The following UBR4 variants were observed in gnomAD, a reference collection of about 807,000 sequenced individuals.
UBR4 encodes E3 ubiquitin-protein ligase UBR4.
Under a neutral mutation model 575.6 loss-of-function variants are expected in UBR4, and 124 were observed. That is an observed-to-expected ratio of 0.22 (90% CI 0.19 to 0.25). The LOEUF (loss-of-function observed/expected upper bound fraction) is 0.25, where lower values mean the gene tolerates loss of function less well. Ranked by LOEUF, UBR4 falls within the 10% of genes least tolerant of loss-of-function variation. The probability of loss-of-function intolerance (pLI) is 1.00; values close to 1 mark genes in which losing one functional copy is unlikely to be tolerated. For missense variants in UBR4, 4,818 were observed against 6,478.8 expected, an observed-to-expected ratio of 0.74 and a Z score of 8.80; for synonymous variants, 2,455 against 2,473.7, an observed-to-expected ratio of 0.99 and a Z score of 0.22.
At position 19,138,174 on chromosome 1, in the gene UBR4, G is replaced by T. The variant is rs1426334610; in HGVS notation, c.8739C>A (p.Gly2913=). ...TAGCATCGCCATAAGCACTGCTCCG[G>T]CCAGATACTAGAGGGAAATGGTTTA... ...DSVAGEHSVS[G]RSSAYGDATA... The change falls in exon 60 of 106, where the codon GGC becomes GGA. Residue 2913 remains glycine (G), a synonymous_variant. Transcript: ENST00000375254. 6.6e-7 allele frequency: 1 copy of T among 1,514,228 alleles called. No homozygotes were observed. The highest frequency in any genetic ancestry group is 8.9e-7 in the Non-Finnish European group (1 of 1,122,086). The allele number at this position is 1,514,228 out of a possible 1,614,324, so 93.8% of individuals were successfully genotyped here.
Position 19,104,567 on chromosome 1 carries a change from G to A in UBR4, c.12727+18C>T. The A allele has an allele frequency of 5.0e-6, 8 of 1,613,586 alleles. No individual in the cohort carries two copies. Among genetic ancestry groups the A allele is most frequent in the Non-Finnish European group, 6.8e-6 (8 of 1,179,754 alleles). On this transcript the variant is annotated intron_variant, in intron 86 of 105. Transcript: ENST00000375254. ...CAGATTCAGGATGCCCTAAAGGAAG[G>A]TCCAGGTGGCTCTTTACCTGTGAGA...
Position 19,123,033 on chromosome 1 carries a change from C to A in UBR4, c.9616G>T (p.Val3206Leu), listed in dbSNP as rs1337194626. 1 of 1,614,184 alleles carries A rather than the reference C, an allele frequency of 6.2e-7. No individual in the cohort carries two copies. The highest frequency in any genetic ancestry group is 1.7e-5 in the Admixed American group (1 of 60,024). Residue 3206 changes from valine to leucine, a missense_variant, in exon 66 of 106, where the codon GTG (valine) becomes TTG (leucine). Physicochemically the swap from Val to Leu is conservative, Grantham distance 32 (BLOSUM62 1). This residue lies in a region of UBR4 where 550 missense variants were observed against 791.5 expected (regional missense o/e 0.69). Coordinates refer to ENST00000375254, the MANE Select transcript of UBR4 (RefSeq NM_020765.3). ...EYLMIQQTPF[V>L]RRQVRKLLLF... is the part of the protein sequence containing the mutation. ...AGAAGTTTGCGGACTTGACGGCGCA[C>A]AAATGGAGTCTGCTGGATCATGAGG...
Position 19,104,055 on chromosome 1 carries a change from T to C in UBR4, c.12901+29A>G, listed in dbSNP as rs767874615. ...CGGCAGCCCCAGAAGGGACAGTGCCTTAGGCTCCAGGCCACTGGGCAGTGC... is the reference window on the plus strand; with the variant it reads ...CGGCAGCCCCAGAAGGGACAGTGCCCTAGGCTCCAGGCCACTGGGCAGTGC... On this transcript the variant is annotated intron_variant, in intron 87 of 105. Transcript: ENST00000375254. The C allele has an allele frequency of 5.1e-5, 83 of 1,611,782 alleles. 1 individual carries two copies. In the South Asian group the frequency reaches 7.9e-4, roughly 15 times the overall value.
In UBR4 at chr1:19,112,875, C is replaced by A. The variant is rs1557634035; in HGVS notation, c.11458-8G>T. 3.2e-6 allele frequency: 5 copies of A among 1,541,552 alleles called. No individual in the cohort carries two copies. The highest frequency in any genetic ancestry group is 2.8e-5 in the African/African-American group (2 of 72,216). On this transcript the variant is annotated splice_polypyrimidine_tract_variant and splice_region_variant and intron_variant, in intron 77 of 105. Coordinates refer to ENST00000375254, the MANE Select transcript of UBR4 (RefSeq NM_020765.3). ...GCGCGAAGCAAAGACTTTCTAAGAA[C>A]AAAAAGGCAACAATAATGGGAATTA...
At chr1:19,185,422 T>C in intron 14 of UBR4, 136 bp from the exon 15 acceptor site, 1 of 852,746 alleles carries the variant, frequency 1.2e-6, no homozygotes, top group Non-Finnish European at 1.7e-6. Context: ...AGATTGCATT[T>C]GTGTATCAAA....
chr1:19,081,701 T>A (rs1198631938), intron 102 of UBR4, 128 bp from the exon 103 acceptor site: 2 of 983,296 alleles, frequency 2.0e-6, no homozygotes, highest in Non-Finnish European at 3.3e-6. Flanking sequence ...GACTCAACAC[T>A]CCCCACCCAT....
In UBR4 at chr1:19,126,519, C is replaced by T. The variant is rs775309971; in HGVS notation, c.9365G>A (p.Ser3122Asn). 10 of 1,614,074 alleles carry T rather than the reference C, an allele frequency of 6.2e-6. No homozygotes were observed. Among genetic ancestry groups the T allele is most frequent in the Non-Finnish European group, 8.5e-6 (10 of 1,180,036 alleles). ...GGTAGTATGTGGTTTCAGCAACTGG[C>T]TGGTAGCCACAGGCTCCTCGTCATT... The part of the protein sequence containing the change: ...QQNDEEPVAT[S>N]QLLKPHTTSS... Residue 3122 changes from serine (S) to asparagine (N), a missense_variant, in exon 64 of 106, where the codon AGC becomes AAC. Ser to Asn is a conservative substitution (Grantham distance 46, BLOSUM62 1). Around this residue, in one of 29 missense-constraint regions of UBR4, gnomAD observed 550 missense variants for 791.5 expected, o/e 0.69. Transcript: ENST00000375254.
chr1:19,079,344 C>A (rs1030228174), intron 103 of UBR4: 19 of 152,330 alleles, frequency 1.2e-4, no homozygotes, highest in African/African-American at 4.3e-4. Flanking sequence ...CAAGCCCCCA[C>A]TTTCTCTCCC....
chr1:19,153,235 T>C lies in UBR4; in HGVS notation c.6832+66A>G. The C allele has an allele frequency of 6.6e-7, 1 of 1,522,340 alleles. No homozygotes were observed. Among genetic ancestry groups the C allele is most frequent in the Non-Finnish European group, 9.1e-7 (1 of 1,099,312 alleles). The allele number at this position is 1,522,340 out of a possible 1,614,324, so 94.3% of individuals were successfully genotyped here. ...TTCACAGATATTTTCAACAGTCTAT[T>C]CTGAGTCACTGTCTAGAAGACCACC... On this transcript the variant is annotated intron_variant, in intron 46 of 105. Transcript: ENST00000375254. The surrounding 1 kb of genome is among the most constrained non-coding windows in gnomAD (Gnocchi z 4.1).
At chr1:19,136,794 T>A (rs2083246934) in intron 60 of UBR4, among the ~76,000 whole-genome samples, 1 of 152,178 alleles carries the variant, frequency 6.6e-6, no homozygotes. Flanking sequence ...AGAAATCACA[T>A]TAAGAAAAAT....
intron 55 of UBR4, 33 bp downstream of exon 55, chr1:19,143,947 C>G: frequency 6.3e-7 from 1 of 1,598,396 alleles, no homozygotes; most frequent in Non-Finnish European, 8.6e-7. Context: ...CTCCCAAATA[C>G]AGGCTTGAGC....
intron 39 of UBR4, among the ~76,000 whole-genome samples, chr1:19,158,933 G>A (rs1179598448): frequency 6.6e-6 from 1 of 151,986 alleles, no homozygotes; most frequent in Non-Finnish European, 1.5e-5. Context: ...CTTGAGCACA[G>A]TTGTTCGAGA....
chr1:19,146,096 A>G (rs765596779), intron 52 of UBR4, 163 bp from the exon 53 acceptor site: 1 of 1,550,602 alleles, frequency 6.4e-7, no homozygotes, highest in Non-Finnish European at 8.7e-7. Flanking sequence ...CACATCTAGG[A>G]AAAAAACAGT....
chr1:19,118,884 G>A lies in UBR4; in HGVS notation c.10529C>T (p.Ser3510Leu), dbSNP rs2080876731. 1.2e-6 allele frequency: 2 copies of A among 1,614,162 alleles called. No individual in the cohort carries two copies. Among genetic ancestry groups the A allele is most frequent in the Non-Finnish European group, 1.7e-6 (2 of 1,180,018 alleles). Reference protein sequence around the residue: ...QNHILTNHPNSNIYNTLSGLV... With the variant: ...QNHILTNHPNLNIYNTLSGLV... ...AAACAAAGCTCACTTATAAATGTTC[G>A]AGTTGGGGTGGTTGGTAAGAATATG... The change falls in exon 71 of 106, where the codon TCG (serine) becomes TTG (leucine). Residue 3510 changes from serine (S) to leucine (L), a missense_variant. By Grantham distance (145) the Ser-to-Leu change is moderately radical. Transcript: ENST00000375254.
rs975002434 is a variant in UBR4 at position 19,165,791 on chromosome 1, T to A, written c.4110-34A>T. 4.5e-6 allele frequency: 7 copies of A among 1,551,750 alleles called. No individual in the cohort carries two copies. The Admixed American group carries it at 1.1e-4, about 24-fold the overall frequency. On this transcript the variant is annotated intron_variant, in intron 29 of 105. Transcript: ENST00000375254. ...CAAACGGAAAACTTAACCACCAGTA[T>A]TAAGACCTGTTTCAATGTCCTCCTT...
intron 42 of UBR4, 71 bp downstream of exon 42, chr1:19,156,200 A>G: frequency 6.3e-7 from 1 of 1,577,678 alleles, no homozygotes. Context: ...GGGAGAAGCT[A>G]GCACATAGTG....
chr1:19,094,218 C>T (rs1380143801), intron 94 of UBR4, 79 bp from the exon 95 acceptor site: 1 of 1,118,196 alleles, frequency 8.9e-7, no homozygotes, highest in East Asian at 2.6e-5. Context: ...CCCCAAAAGT[C>T]ACCACTTCCA....
intron 28 of UBR4, 79 bp from the exon 29 acceptor site, chr1:19,167,310 T>A: frequency 6.6e-7 from 1 of 1,505,474 alleles, no homozygotes; most frequent in Non-Finnish European, 9.2e-7. Context: ...GTAATTCAAT[T>A]ACTTGCCGGG....
chr1:19,129,451 C>G (rs760969801), intron 60 of UBR4, among the ~76,000 whole-genome samples: 1 of 152,194 alleles, frequency 6.6e-6, no homozygotes, highest in Non-Finnish European at 1.5e-5. Flanking sequence ...CCCTATTCTG[C>G]CTCCAGACAT....
Sources: allele counts gnomAD v4.1 joint callset (sites outside exome capture counted in the v4.1 genomes callset), GRCh38; gene constraint gnomAD v4.1.1; regional missense constraint gnomAD v4.1.1; non-coding constraint Gnocchi (gnomAD v3.1); transcripts MANE v1.5; gene names NCBI Gene and HGNC (gene_info 2026-07-23, HGNC 2026-07-21).